Variants in ST3GAL3 observed in about 807,000 individuals in gnomAD.
ST3GAL3 encodes the protein CMP-N-acetylneuraminate-beta-1,4-galactoside alpha-2,3-sialyltransferase.
A neutral mutation model predicts 50.1 loss-of-function variants in ST3GAL3; 21 were observed. That is an observed-to-expected ratio of 0.42 (90% confidence interval 0.30 to 0.60). ST3GAL3 has a LOEUF of 0.60. ST3GAL3 is among the 20% of genes least tolerant of loss of function. The probability of loss-of-function intolerance (pLI) is 0.19; values close to 1 mark genes in which losing one functional copy is unlikely to be tolerated. For missense variants in ST3GAL3, 353 were observed against 489.4 expected, an observed-to-expected ratio of 0.72 and a Z score of 2.63; for synonymous variants, 183 against 190.0, an observed-to-expected ratio of 0.96 and a Z score of 0.30.
chr1:43,806,853 G>A (rs1198346849), intron 3 of ST3GAL3, among the ~76,000 whole-genome samples: 2 of 152,032 alleles, frequency 1.3e-5, no homozygotes, highest in East Asian at 3.9e-4. Flanking sequence ...CCATGCTCGG[G>A]TAATGTTTTG....
chr1:43,929,068 A>C (rs1249284763), intron 11 of ST3GAL3, among the ~76,000 whole-genome samples: 3 of 152,162 alleles, frequency 2.0e-5, no homozygotes, highest in Admixed American at 1.3e-4. Flanking sequence ...TTCTGGTGAG[A>C]GTCCTGGGGT....
intron 11 of ST3GAL3, 29 bp from the exon 12 acceptor site, chr1:43,930,103 C>T: frequency 3.1e-6 from 5 of 1,607,340 alleles, no homozygotes; most frequent in Non-Finnish European, 4.3e-6. Flanking sequence ...GAGCAAAGGC[C>T]CAACTGATCA....
intron 4 of ST3GAL3, among the ~76,000 whole-genome samples, chr1:43,822,455 A>G (rs1160683368): frequency 6.6e-6 from 1 of 152,202 alleles, no homozygotes; most frequent in Admixed American, 6.5e-5. Flanking sequence ...TGCTCAGTCT[A>G]ATTTCATAAG....
intron 1 of ST3GAL3, among the ~76,000 whole-genome samples, chr1:43,726,258 TA>T (rs746795147): frequency 2.1e-4 from 32 of 152,252 alleles, no homozygotes; most frequent in Middle Eastern, 6.8e-3. Context: ...AGTGAGGAAA[TA>T]GTTTAAAACT....
intron 4 of ST3GAL3, among the ~76,000 whole-genome samples, chr1:43,836,635 G>C (rs1433593479): frequency 6.6e-6 from 1 of 152,238 alleles, no homozygotes; most frequent in Non-Finnish European, 1.5e-5. Context: ...CTGGGCACCA[G>C]AGTTTTGGCA....
At chr1:43,757,774 AC>A (rs931745020) in intron 2 of ST3GAL3, among the ~76,000 whole-genome samples, 19 of 152,344 alleles carry the variant, frequency 1.2e-4, no homozygotes, top group African/African-American at 3.8e-4. Context: ...ATAAAAAAAA[AC>A]ATTGAACTTT....
chr1:43,923,385 A>G (rs980244779), intron 11 of ST3GAL3, among the ~76,000 whole-genome samples: 4 of 152,058 alleles, frequency 2.6e-5, no homozygotes, highest in Admixed American at 6.5e-5. Context: ...CCTATATTGT[A>G]TCAGGCTTTT....
intron 5 of ST3GAL3, among the ~76,000 whole-genome samples, chr1:43,883,702 G>A (rs1010878594): frequency 6.6e-6 from 1 of 152,198 alleles, no homozygotes; most frequent in Non-Finnish European, 1.5e-5. Flanking sequence ...GGTGCGGGGT[G>A]GGGAGGGTGC....
intron 5 of ST3GAL3, chr1:43,838,583 A>G (rs2064836568): frequency 4.8e-6 from 2 of 415,296 alleles, no homozygotes; most frequent in South Asian, 4.2e-5. Flanking sequence ...CAAGCCAGGT[A>G]TCCAGAGGCA....
rs1553285693 is a variant in ST3GAL3, at chr1:43,759,065, GCACACACA to G, written c.118+22720_118+22727del. Among the ~76,000 whole-genome samples the G allele has an allele frequency of 2.5e-3, 192 of 75,450 alleles. 1 individual carries two copies. The highest frequency in any genetic ancestry group is 4.7e-3 in the African/African-American group (118 of 25,240). 49.5% of individuals were successfully genotyped at this position (75,450 alleles called of 152,430 possible). ...TCCTAAAAAACAAACAAAAGCGCGC[GCACACACA>G]CACACACACACACACACACACACAC... On this transcript the variant is annotated intron_variant, in intron 2 of 11. Transcript: ENST00000347631.
intron 5 of ST3GAL3, among the ~76,000 whole-genome samples, chr1:43,859,284 G>A (rs2154227874): frequency 6.6e-6 from 1 of 152,186 alleles, no homozygotes; most frequent in East Asian, 1.9e-4. Context: ...CAAGGGCTTA[G>A]TATGCGGAAG....
intron 3 of ST3GAL3, among the ~76,000 whole-genome samples, chr1:43,794,975 G>A (rs2058519872): frequency 6.6e-6 from 1 of 152,054 alleles, no homozygotes; most frequent in South Asian, 2.1e-4. Flanking sequence ...GGTATGTTGA[G>A]GGATGGGTAC....
At chr1:43,759,863 T>C (rs1175078943) in intron 2 of ST3GAL3, among the ~76,000 whole-genome samples, 1 of 152,180 alleles carries the variant, frequency 6.6e-6, no homozygotes, top group Non-Finnish European at 1.5e-5. Flanking sequence ...ATATGCGTTG[T>C]TTCACTCAAA....
chr1:43,771,385 A>T (rs1295296223), intron 2 of ST3GAL3, among the ~76,000 whole-genome samples: 2 of 151,176 alleles, frequency 1.3e-5, no homozygotes, highest in African/African-American at 4.9e-5. Flanking sequence ...TTGGAGACAG[A>T]GTCTCGCTGT....
intron 5 of ST3GAL3, among the ~76,000 whole-genome samples, chr1:43,849,780 TG>T (rs2066932034): frequency 6.6e-6 from 1 of 152,194 alleles, no homozygotes; most frequent in African/African-American, 2.4e-5. Context: ...TGTGTACACT[TG>T]GCTAATGTAC....
chr1:43,727,466 G>A (rs1673497901), intron 1 of ST3GAL3: 1 of 152,178 alleles, frequency 6.6e-6, no homozygotes, highest in Non-Finnish European at 1.5e-5. Flanking sequence ...AAAGAAATGT[G>A]ATTCTATGGT....
chr1:43,756,506 CAT>C (rs1688174476), intron 2 of ST3GAL3, among the ~76,000 whole-genome samples: 1 of 151,606 alleles, frequency 6.6e-6, no homozygotes, highest in African/African-American at 2.4e-5. Flanking sequence ...TGATATAAAA[CAT>C]AAATGTATTA....
intron 11 of ST3GAL3, 91 bp downstream of exon 11, chr1:43,921,019 G>C: frequency 6.8e-7 from 1 of 1,476,530 alleles, no homozygotes; most frequent in Non-Finnish European, 9.2e-7. Context: ...TGGCTGGTCT[G>C]GCTGCCCAGA....
chr1:43,901,465 T>C lies in ST3GAL3; in HGVS notation c.744+1738T>C, dbSNP rs537483166. ...AGAGCCTGTCATGGGTGTTATCACA[T>C]GTTCCTTCCAAGAACACCAATGTCA... On this transcript the variant is annotated intron_variant, in intron 9 of 11. Transcript: ENST00000347631. Among the ~76,000 whole-genome samples, 8 of 152,362 alleles carry C rather than the reference T, an allele frequency of 5.3e-5. No homozygotes were observed. In the South Asian group the frequency reaches 1.7e-3, roughly 32 times the overall value.
Sources: gnomAD v4.1 joint callset for allele counts (sites outside exome capture counted in the v4.1 genomes callset) on GRCh38, gnomAD v4.1.1 for gene constraint, MANE v1.5 for transcripts, NCBI Gene and HGNC (gene_info 2026-07-23, HGNC 2026-07-21) for gene names.